The following CDH23 variants were observed in gnomAD, a reference collection of about 807,000 sequenced individuals.
CDH23 encodes cadherin related 23, also known as cadherin-23.
A neutral mutation model predicts 317.1 loss-of-function variants in CDH23; 189 were observed. The observed-to-expected ratio is 0.60, with a 90% confidence interval of 0.53 to 0.67. The LOEUF is 0.67. Among genes scored for constraint, CDH23 ranks in the 30% least tolerant of loss-of-function variants. The pLI, the probability that CDH23 is intolerant of heterozygous loss-of-function variation, is 0.00. For synonymous variants in CDH23, 1,839 were observed against 1,876.8 expected (o/e 0.98, Z 0.52); for missense variants, 4,401 against 4,592.4 (o/e 0.96, Z 1.20).
intron 6 of CDH23, among the ~76,000 whole-genome samples, chr10:71,522,403 G>A (rs779507947): frequency 6.6e-6 from 1 of 152,020 alleles, no homozygotes; most frequent in Non-Finnish European, 1.5e-5. Context: ...CATTCCAGTG[G>A]GTTTCTGTTA....
intron 9 of CDH23, among the ~76,000 whole-genome samples, chr10:71,587,866 T>G (rs1859189294): frequency 6.6e-6 from 1 of 152,204 alleles, no homozygotes; most frequent in Non-Finnish European, 1.5e-5. Context: ...TGATACCTGG[T>G]GCAAGGTTAA....
intron 11 of CDH23, chr10:71,622,857 C>T: frequency 2.3e-6 from 2 of 852,836 alleles, no homozygotes; most frequent in Non-Finnish European, 2.8e-6. Context: ...TCTTCCCCAC[C>T]CCAGAGAGGC....
At chr10:71,507,297 T>C (rs1411116061) in intron 3 of CDH23, among the ~76,000 whole-genome samples, 1 of 152,166 alleles carries the variant, frequency 6.6e-6, no homozygotes, top group Non-Finnish European at 1.5e-5. Context: ...CCACTAGAGA[T>C]TACCTGAGAG....
intron 34 of CDH23, among the ~76,000 whole-genome samples, chr10:71,736,365 C>T (rs1003116759): frequency 5.2e-4 from 79 of 152,180 alleles, no homozygotes; most frequent in Non-Finnish European, 1.0e-3. Flanking sequence ...TCTGCTAGGC[C>T]GGAACCCAAA....
intron 49 of CDH23, 69 bp from the exon 50 acceptor site, chr10:71,798,285 G>A: frequency 1.6e-6 from 2 of 1,233,190 alleles, no homozygotes; most frequent in Non-Finnish European, 2.4e-6. Flanking sequence ...CTTGGCTGAG[G>A]CTAAGGAAGG....
intron 9 of CDH23, among the ~76,000 whole-genome samples, chr10:71,587,872 G>T (rs1413141445): frequency 6.6e-6 from 1 of 152,206 alleles, no homozygotes; most frequent in Non-Finnish European, 1.5e-5. Flanking sequence ...CTGGTGCAAG[G>T]TTAAATCATA....
At chr10:71,575,824 C>G (rs1195900705) in intron 8 of CDH23, among the ~76,000 whole-genome samples, 1 of 152,264 alleles carries the variant, frequency 6.6e-6, no homozygotes, top group African/African-American at 2.4e-5. Context: ...TGTGGGCTCC[C>G]AGGAGCCCCC....
intron 9 of CDH23, among the ~76,000 whole-genome samples, chr10:71,609,702 C>T (rs1161056782): frequency 6.6e-6 from 1 of 152,202 alleles, no homozygotes; most frequent in African/African-American, 2.4e-5. Context: ...TGGTTATACT[C>T]GTCCAATTAT....
intron 9 of CDH23, among the ~76,000 whole-genome samples, chr10:71,580,648 G>A (rs1390940687): frequency 1.3e-5 from 2 of 152,172 alleles, no homozygotes; most frequent in Non-Finnish European, 2.9e-5. Flanking sequence ...ACAAATATTT[G>A]CCATCCTTGC....
chr10:71,711,183 T>C (rs1000154541), intron 27 of CDH23, among the ~76,000 whole-genome samples: 2 of 151,786 alleles, frequency 1.3e-5, no homozygotes, highest in African/African-American at 2.4e-5. Context: ...AGTCCAGCCC[T>C]CACTTTGGGC....
rs1297395103 is a variant in CDH23 at position 71,486,695 on chromosome 10, T to C, written c.146-23387T>C. Among the ~76,000 whole-genome samples the C allele has an allele frequency of 2.0e-5, 3 of 152,216 alleles. 1 individual carries two copies. The highest frequency in any genetic ancestry group is 4.4e-5 in the Non-Finnish European group (3 of 68,032). ...GGTCAGTAGGGGGCGCAGCTGGACC[T>C]GACCTGGTGTGTCAAACTCCAGCGC... On this transcript the variant is annotated intron_variant, in intron 3 of 69. Transcript: ENST00000224721.
chr10:71,697,888 C>T (rs1179589258), intron 22 of CDH23, among the ~76,000 whole-genome samples: 3 of 152,188 alleles, frequency 2.0e-5, no homozygotes, highest in East Asian at 1.9e-4. Flanking sequence ...CCACCGCTGG[C>T]GTCAGGTGGG....
chr10:71,416,771 G>A lies in CDH23; in HGVS notation c.-6+19453G>A, dbSNP rs143549836. On this transcript the variant is annotated intron_variant, in intron 1 of 69. Coordinates refer to ENST00000224721, the MANE Select transcript of CDH23 (RefSeq NM_022124.6). ...CAACCTTGAACTCCTGGGCTCAAGC[G>A]ATCCTCCCACCCCAGTCTCCCAAAT... 5.1e-4 allele frequency among the ~76,000 whole-genome samples: 78 copies of A among 152,046 alleles called. 1 individual carries two copies. Among genetic ancestry groups the A allele is most frequent in the African/African-American group, 1.8e-3 (76 of 41,472 alleles).
Position 71,702,110 on chromosome 10 carries a change from C to G in CDH23, c.2486C>G (p.Thr829Ser). ...PPNKFYSLNS[T>S]TGKIRTTHAM... Reference sequence around the variant, plus strand: ...AACAAGTTCTACAGCCTCAACAGCACCACGGGCAAGATCCGCACCACCCAC... The same window carrying G: ...AACAAGTTCTACAGCCTCAACAGCAGCACGGGCAAGATCCGCACCACCCAC... Residue 829 changes from threonine (T) to serine (S), a missense_variant, in exon 23 of 70, where the codon ACC (threonine) becomes AGC (serine). This residue lies in a region of CDH23 where 3,068 missense variants were observed against 3,203.3 expected (regional missense o/e 0.96). Transcript: ENST00000224721. 6.2e-7 allele frequency: 1 copy of G among 1,614,000 alleles called. No homozygotes were observed. The highest frequency in any genetic ancestry group is 1.3e-5 in the African/African-American group (1 of 75,050).
chr10:71,726,582 C>T (rs1282052769), intron 30 of CDH23, among the ~76,000 whole-genome samples: 1 of 152,222 alleles, frequency 6.6e-6, no homozygotes, highest in Non-Finnish European at 1.5e-5. Context: ...CTGAGAGGGT[C>T]AGATCCCCTG....
At position 71,584,908 on chromosome 10, in the gene CDH23, G is replaced by A. The variant is rs542926118; in HGVS notation, c.832+6916G>A. 7.2e-5 allele frequency among the ~76,000 whole-genome samples: 11 copies of A among 152,334 alleles called. 1 individual carries two copies. In the South Asian group the frequency reaches 2.3e-3, roughly 32 times the overall value. On this transcript the variant is annotated intron_variant, in intron 9 of 69. Transcript: ENST00000224721. ...CCTGGCTGGAGCCAGAGGTCACCAG[G>A]AAGGAGTCCAGGGCAGATCAGAGAG...
chr10:71,540,194 G>T (rs1271489365), intron 6 of CDH23, among the ~76,000 whole-genome samples: 1 of 152,156 alleles, frequency 6.6e-6, no homozygotes, highest in African/African-American at 2.4e-5. Context: ...GGGGGCCGAG[G>T]CTCACGTGCA....
At chr10:71,543,367 T>A (rs1856090335) in intron 6 of CDH23, among the ~76,000 whole-genome samples, 1 of 152,092 alleles carries the variant, frequency 6.6e-6, no homozygotes, top group East Asian at 1.9e-4. Context: ...TGGGGACAGC[T>A]CCCCTCTCTC....
chr10:71,798,624 T>G, intron 50 of CDH23, 46 bp downstream of exon 50: 18 of 1,443,832 alleles, frequency 1.2e-5, no homozygotes, highest in Non-Finnish European at 1.6e-5. Flanking sequence ...CATATATCTC[T>G]GCTTGCTTAG....
Sources: gnomAD v4.1 joint callset for allele counts (sites outside exome capture counted in the v4.1 genomes callset) on GRCh38, gnomAD v4.1.1 for gene constraint, gnomAD v4.1.1 regional missense constraint, MANE v1.5 for transcripts, NCBI Gene and HGNC (gene_info 2026-07-23, HGNC 2026-07-21) for gene names.